HS3ST3A1: variants seen among roughly 807,000 people sequenced by gnomAD.
HS3ST3A1 encodes heparan sulfate-glucosamine 3-sulfotransferase 3A1.
HS3ST3A1 carries 19 observed loss-of-function variants against 25.7 expected under a neutral mutation model. That is an observed-to-expected ratio of 0.74 (90% CI 0.52 to 1.08). The LOEUF is 1.08. Ranked by LOEUF, HS3ST3A1 falls within the 50% of genes least tolerant of loss-of-function variation. The pLI is 0.00. For missense variants in HS3ST3A1, 459 were observed against 594.3 expected, an observed-to-expected ratio of 0.77 and a Z score of 2.37; for synonymous variants, 226 against 278.6, an observed-to-expected ratio of 0.81 and a Z score of 1.88.
chr17:13,583,105 G>A (rs1433767054), intron 1 of HS3ST3A1, among the ~76,000 whole-genome samples: 3 of 152,164 alleles, frequency 2.0e-5, no homozygotes, highest in Non-Finnish European at 2.9e-5. Context: ...CGCGGGAGAC[G>A]TAGAGAAGAT....
In HS3ST3A1 at chr17:13,540,733, T is replaced by A. The variant is rs143840184; in HGVS notation, c.600-43915A>T. Among the ~76,000 whole-genome samples the A allele has an allele frequency of 2.4e-3, 366 of 152,196 alleles. 1 individual carries two copies. Among genetic ancestry groups the A allele is most frequent in the Non-Finnish European group, 3.7e-3 (251 of 68,002 alleles). On this transcript the variant is annotated intron_variant, in intron 1 of 1. Transcript: ENST00000284110. ...AGCGAACTTCACTGTAGAACAAGAG[T>A]CTCCTAGAGAAAAAGCATTCAATCT...
intron 1 of HS3ST3A1, among the ~76,000 whole-genome samples, chr17:13,567,582 G>C (rs1158960972): frequency 1.3e-5 from 2 of 152,166 alleles, no homozygotes; most frequent in African/African-American, 4.8e-5. Flanking sequence ...TGTAATTCTT[G>C]GGAGGAGGTT....
intron 1 of HS3ST3A1, among the ~76,000 whole-genome samples, chr17:13,514,207 A>T (rs1905980180): frequency 6.6e-6 from 1 of 151,926 alleles, no homozygotes; most frequent in African/African-American, 2.4e-5. Flanking sequence ...TAGGTAGCAA[A>T]CATCCAGTTT....
At chr17:13,571,970 G>A (rs1270623851) in intron 1 of HS3ST3A1, among the ~76,000 whole-genome samples, 2 of 152,112 alleles carry the variant, frequency 1.3e-5, no homozygotes, top group African/African-American at 4.8e-5. Context: ...ACACTAGCCA[G>A]TTGGTCTCGA....
At chr17:13,566,453 CG>C (rs976786444) in intron 1 of HS3ST3A1, among the ~76,000 whole-genome samples, 2 of 152,068 alleles carry the variant, frequency 1.3e-5, no homozygotes, top group Non-Finnish European at 2.9e-5. Flanking sequence ...ATCCCTACAA[CG>C]TTATAAATGT....
intron 1 of HS3ST3A1, among the ~76,000 whole-genome samples, chr17:13,591,832 G>T (rs1175356756): frequency 1.3e-5 from 2 of 151,854 alleles, no homozygotes; most frequent in Non-Finnish European, 2.9e-5. Flanking sequence ...GCTAATTTTT[G>T]TATTTTTAGT....
chr17:13,499,450 AT>A (rs1032382164), intron 1 of HS3ST3A1, among the ~76,000 whole-genome samples: 9 of 151,856 alleles, frequency 5.9e-5, no homozygotes, highest in South Asian at 4.2e-4. Flanking sequence ...GTATTTATAG[AT>A]TTTTTTTTGA....
At chr17:13,572,722 T>C (rs1907850623) in intron 1 of HS3ST3A1, among the ~76,000 whole-genome samples, 1 of 152,202 alleles carries the variant, frequency 6.6e-6, no homozygotes, top group African/African-American at 2.4e-5. Context: ...CAGGATTAAG[T>C]AGACGGGGAA....
intron 1 of HS3ST3A1, among the ~76,000 whole-genome samples, chr17:13,525,890 T>C (rs1478811257): frequency 1.3e-5 from 2 of 152,100 alleles, no homozygotes; most frequent in Non-Finnish European, 2.9e-5. Flanking sequence ...TGATTTACTT[T>C]ATCAAATTAA....
chr17:13,518,806 G>A (rs1476605030), intron 1 of HS3ST3A1, among the ~76,000 whole-genome samples: 1 of 152,118 alleles, frequency 6.6e-6, no homozygotes, highest in Non-Finnish European at 1.5e-5. Flanking sequence ...TTCTGCACAG[G>A]CTCAGCCAAG....
chr17:13,524,768 C>A (rs988135541), intron 1 of HS3ST3A1, among the ~76,000 whole-genome samples: 10 of 152,192 alleles, frequency 6.6e-5, no homozygotes, highest in African/African-American at 2.4e-4. Flanking sequence ...TACATAGGAA[C>A]TTTCTGCAAA....
chr17:13,569,603 C>G (rs1907754275), intron 1 of HS3ST3A1, among the ~76,000 whole-genome samples: 1 of 152,178 alleles, frequency 6.6e-6, no homozygotes, highest in Non-Finnish European at 1.5e-5. Flanking sequence ...CCCAGCCATG[C>G]CCTGCCAGCT....
chr17:13,544,529 C>T (rs917184983), intron 1 of HS3ST3A1, among the ~76,000 whole-genome samples: 29 of 152,238 alleles, frequency 1.9e-4, no homozygotes, highest in African/African-American at 7.0e-4. Flanking sequence ...CTTTTCAGGC[C>T]CTGCGCCGTC....
At chr17:13,560,028 G>A (rs1265839816) in intron 1 of HS3ST3A1, among the ~76,000 whole-genome samples, 2 of 151,422 alleles carry the variant, frequency 1.3e-5, no homozygotes, top group African/African-American at 2.4e-5. Flanking sequence ...GGTGGTTCAC[G>A]CCTGTAATCA....
intron 1 of HS3ST3A1, among the ~76,000 whole-genome samples, chr17:13,507,718 CTTTT>C (rs1244252705): frequency 6.6e-6 from 1 of 152,190 alleles, no homozygotes; most frequent in African/African-American, 2.4e-5. Flanking sequence ...TGTACATGTA[CTTTT>C]TTTAAGTCTA....
intron 1 of HS3ST3A1, among the ~76,000 whole-genome samples, chr17:13,502,122 C>A (rs567710343): frequency 4.6e-5 from 7 of 152,224 alleles, no homozygotes; most frequent in East Asian, 1.9e-4. Flanking sequence ...TGATCTGTCA[C>A]CCTGGGTAAG....
chr17:13,562,256 G>A (rs1907568427), intron 1 of HS3ST3A1, among the ~76,000 whole-genome samples: 2 of 152,164 alleles, frequency 1.3e-5, no homozygotes, highest in Non-Finnish European at 2.9e-5. Flanking sequence ...TCACATGCCA[G>A]GAGATGAGTC....
At chr17:13,537,562 G>C (rs997197479) in intron 1 of HS3ST3A1, among the ~76,000 whole-genome samples, 1 of 152,108 alleles carries the variant, frequency 6.6e-6, no homozygotes, top group African/African-American at 2.4e-5. Context: ...ATCTTGAATG[G>C]TTTGAGAGAA....
At chr17:13,510,476 T>G (rs1366064643) in intron 1 of HS3ST3A1, among the ~76,000 whole-genome samples, 1 of 151,846 alleles carries the variant, frequency 6.6e-6, no homozygotes, top group African/African-American at 2.4e-5. Context: ...GCGATGGTGG[T>G]TTTTTTTGTT....
Sources: allele counts gnomAD v4.1 joint callset (sites outside exome capture counted in the v4.1 genomes callset), GRCh38; gene constraint gnomAD v4.1.1; transcripts MANE v1.5; gene names NCBI Gene and HGNC (gene_info 2026-07-23, HGNC 2026-07-21).